DHX34: variants seen among roughly 807,000 people sequenced by gnomAD.
DHX34 encodes probable ATP-dependent RNA helicase DHX34.
A neutral mutation model predicts 111.1 loss-of-function variants in DHX34; 96 were observed. That is an observed-to-expected ratio of 0.86 (90% CI 0.73 to 1.02). DHX34 has a LOEUF of 1.02. Among genes scored for constraint, DHX34 ranks in the 50% least tolerant of loss-of-function variants. The pLI is 0.00. For synonymous variants in DHX34, 688 were observed against 670.4 expected (o/e 1.03, Z -0.41); for missense variants, 1,560 against 1,579.9 (o/e 0.99, Z 0.21).
chr19:47,370,925 C>T lies in DHX34; in HGVS notation c.1769-1805C>T, dbSNP rs533279972. Among the ~76,000 whole-genome samples the T allele has an allele frequency of 3.9e-5, 6 of 152,328 alleles. No homozygotes were observed. In the East Asian group the frequency reaches 5.8e-4, roughly 15 times the overall value. On this transcript the variant is annotated intron_variant, in intron 7 of 16. Transcript: ENST00000328771. ...CTGACCTCAAGTGATCCGCCAGCCT[C>T]GGCATCCCTAAGTGCTGGGATTACA...
In DHX34 at chr19:47,355,382, G is replaced by A. The variant is rs1416230367; in HGVS notation, c.1017+32G>A. ...ACTTCCCCCTCCTCCCACATCCCCA[G>A]ACCTCCAACCTGGTCTCTGTCCAAA... On this transcript the variant is annotated intron_variant, in intron 3 of 16. Coordinates refer to ENST00000328771, the MANE Select transcript of DHX34 (RefSeq NM_014681.6). The A allele has an allele frequency of 1.9e-6, 3 of 1,598,618 alleles. No homozygotes were observed. In the African/African-American group the frequency reaches 4.0e-5, roughly 21 times the overall value.
intron 6 of DHX34, among the ~76,000 whole-genome samples, chr19:47,366,262 T>C (rs1470261021): frequency 1.3e-5 from 2 of 151,944 alleles, no homozygotes; most frequent in Non-Finnish European, 2.9e-5. Flanking sequence ...GATCTTGACA[T>C]TGGGAATTTT....
intron 14 of DHX34, among the ~76,000 whole-genome samples, chr19:47,380,529 G>A (rs1006615989): frequency 1.3e-5 from 2 of 151,756 alleles, no homozygotes; most frequent in African/African-American, 4.8e-5. Flanking sequence ...GAGGAGGGGG[G>A]AGGTGGCCAG....
rs1458214590 is a variant in DHX34 at position 47,373,605 on chromosome 19, T to C, written c.1969T>C (p.Ser657Pro). The C allele has an allele frequency of 3.7e-6, 6 of 1,613,450 alleles. No individual in the cohort carries two copies. The highest frequency in any genetic ancestry group is 2.7e-5 in the African/African-American group (2 of 74,906). The part of the protein sequence containing the change: ...NVFNAWVQVK[S>P]ERSRNSRKWC... Reference sequence around the variant, plus strand: ...CGTCTGCTCCTCCACCCAGGTGAAATCTGAACGGAGCAGAAACTCTCGCAA... The same window carrying C: ...CGTCTGCTCCTCCACCCAGGTGAAACCTGAACGGAGCAGAAACTCTCGCAA... Residue 657 changes from serine (S) to proline (P), a missense_variant, in exon 9 of 17, where the codon TCT becomes CCT. By Grantham distance (74) the Ser-to-Pro change is moderately conservative. Coordinates refer to ENST00000328771, the MANE Select transcript of DHX34 (RefSeq NM_014681.6).
rs754726527 is a variant in DHX34 at position 47,367,059 on chromosome 19, A to G, written c.1672A>G (p.Ile558Val). The change falls in exon 7 of 17, where the codon ATC (isoleucine) becomes GTC (valine). Residue 558 changes from isoleucine (I) to valine (V), a missense_variant. Coordinates refer to ENST00000328771, the MANE Select transcript of DHX34 (RefSeq NM_014681.6). ...ACCACCAGCCAGCCTGGAAACCGCC[A>G]TCCTCTACCTCCGGGACCAGGGGGC... ...PPPPASLETA[I>V]LYLRDQGALD... 12 of 1,609,388 alleles carry G rather than the reference A, an allele frequency of 7.5e-6. No homozygotes were observed. In the Admixed American group the frequency reaches 1.2e-4, roughly 16 times the overall value.
chr19:47,360,040 A>G lies in DHX34; in HGVS notation c.1345A>G (p.Ile449Val), dbSNP rs762923642. ...CAACATTGCTGAGACCTCAGTCACCATTGACGGGATCCGCTTCGTAGTAGA... is the reference window on the plus strand; with the variant it reads ...CAACATTGCTGAGACCTCAGTCACCGTTGACGGGATCCGCTTCGTAGTAGA... ...STNIAETSVTIDGIRFVVDSG... is the reference protein window; with the variant it reads ...STNIAETSVTVDGIRFVVDSG... Residue 449 changes from isoleucine to valine, a missense_variant, in exon 5 of 17, where the codon ATT (isoleucine) becomes GTT (valine). Ile to Val is a conservative substitution (Grantham distance 29). Coordinates refer to ENST00000328771, the MANE Select transcript of DHX34 (RefSeq NM_014681.6). The G allele has an allele frequency of 6.2e-7, 1 of 1,613,770 alleles. No individual in the cohort carries two copies. Among genetic ancestry groups the G allele is most frequent in the Non-Finnish European group, 8.5e-7 (1 of 1,179,954 alleles).
rs763486642 is a variant in DHX34 at position 47,373,689 on chromosome 19, C to A, written c.2053C>A (p.Arg685Ser). 1 of 1,613,560 alleles carries A rather than the reference C, an allele frequency of 6.2e-7. No individual in the cohort carries two copies. The highest frequency in any genetic ancestry group is 8.5e-7 in the Non-Finnish European group (1 of 1,179,830). Residue 685 changes from arginine (R) to serine (S), a missense_variant, in exon 9 of 17, where the codon CGC (arginine) becomes AGC (serine). Arg to Ser is a moderately radical substitution (Grantham distance 110). Coordinates refer to ENST00000328771, the MANE Select transcript of DHX34 (RefSeq NM_014681.6). ...ACTGTACGAAATGGCCAACCTTCGGCGCCAGTTCAAGGTGAGGCTCGGGAG... is the reference window on the plus strand; with the variant it reads ...ACTGTACGAAATGGCCAACCTTCGGAGCCAGTTCAAGGTGAGGCTCGGGAG... ...HRLYEMANLR[R>S]QFKELLEDHG...
chr19:47,366,008 G>C (rs1167528348), intron 6 of DHX34, among the ~76,000 whole-genome samples: 2 of 152,206 alleles, frequency 1.3e-5, no homozygotes, highest in African/African-American at 4.8e-5. Context: ...TCTGCTGTAG[G>C]TGGGCCCATT....
chr19:47,367,434 G>A (rs1350761109), intron 7 of DHX34, among the ~76,000 whole-genome samples: 1 of 152,200 alleles, frequency 6.6e-6, no homozygotes, highest in African/African-American at 2.4e-5. Context: ...GGTGCCTAGT[G>A]TTCTGGAGAG....
chr19:47,355,391 C>G, intron 3 of DHX34, 41 bp downstream of exon 3: 7 of 1,593,024 alleles, frequency 4.4e-6, no homozygotes, highest in Non-Finnish European at 6.0e-6. Flanking sequence ...AGACCTCCAA[C>G]CTGGTCTCTG....
intron 9 of DHX34, among the ~76,000 whole-genome samples, chr19:47,374,436 CAAAAAAAAAAAAA>C (rs35585186): frequency 1.9e-5 from 2 of 103,642 alleles, no homozygotes; most frequent in Non-Finnish European, 4.2e-5. Flanking sequence ...AAACTCCACT[CAAAAAAAAAAAAA>C]AAAAAAGATT....
At chr19:47,370,388 G>T (rs974858293) in intron 7 of DHX34, among the ~76,000 whole-genome samples, 1 of 152,154 alleles carries the variant, frequency 6.6e-6, no homozygotes, top group African/African-American at 2.4e-5. Flanking sequence ...CTCTCTTGCG[G>T]GCTCAAGGAT....
chr19:47,379,063 A>G (rs1269146637), intron 13 of DHX34, among the ~76,000 whole-genome samples: 1 of 151,944 alleles, frequency 6.6e-6, no homozygotes, highest in African/African-American at 2.4e-5. Flanking sequence ...TGGGAGGTGG[A>G]GGTTGCAGTG....
Position 47,353,526 on chromosome 19 carries a change from C to G in DHX34, c.496C>G (p.Gln166Glu), listed in dbSNP as rs761734668. ...QRERAALPIAQYGNRILQTLK... is the reference protein window; with the variant it reads ...QRERAALPIAEYGNRILQTLK... ...TGAGCGGGCAGCCCTCCCCATCGCCCAGTATGGGAACCGCATCCTGCAGAC... is the reference window on the plus strand; with the variant it reads ...TGAGCGGGCAGCCCTCCCCATCGCCGAGTATGGGAACCGCATCCTGCAGAC... Residue 166 changes from glutamine (Q) to glutamate (E), a missense_variant, in exon 2 of 17, where the codon CAG becomes GAG. Physicochemically the swap from Gln to Glu is conservative, Grantham distance 29. Transcript: ENST00000328771. The surrounding 1 kb of genome is among the most constrained non-coding windows in gnomAD (Gnocchi z 4.6). 1 of 1,613,716 alleles carries G rather than the reference C, an allele frequency of 6.2e-7. No individual in the cohort carries two copies. Among genetic ancestry groups the G allele is most frequent in the Non-Finnish European group, 8.5e-7 (1 of 1,179,982 alleles).
chr19:47,375,532 C>G lies in DHX34; in HGVS notation c.2131C>G (p.Arg711Gly), dbSNP rs966321239. 6.4e-7 allele frequency: 1 copy of G among 1,563,614 alleles called. No individual in the cohort carries two copies. Among genetic ancestry groups the G allele is most frequent in the South Asian group, 1.2e-5 (1 of 86,276 alleles). Residue 711 changes from arginine to glycine, a missense_variant, in exon 10 of 17, where the codon CGG (arginine) becomes GGG (glycine). Coordinates refer to ENST00000328771, the MANE Select transcript of DHX34 (RefSeq NM_014681.6). The stretch of plus-strand genomic sequence containing the variant: ...CGCGCAGGTAGGGGACAGCTACAGT[C>G]GGTTGCAGCAGCGCCGGGAGCGCCG... ...QAAQVGDSYS[R>G]LQQRRERRAL... is the part of the protein sequence containing the mutation.
intron 3 of DHX34, among the ~76,000 whole-genome samples, chr19:47,356,103 A>G (rs1266650934): frequency 6.6e-6 from 1 of 152,114 alleles, no homozygotes; most frequent in African/African-American, 2.4e-5. Context: ...ATCTAGCAGC[A>G]TCCCTGGCCC....
rs201567533 is a variant in DHX34, at chr19:47,372,723, G to A, written c.1769-7G>A. 3.8e-5 allele frequency: 60 copies of A among 1,577,950 alleles called. No individual in the cohort carries two copies. Among genetic ancestry groups the A allele is most frequent in the African/African-American group, 3.8e-4 (28 of 73,722 alleles). The stretch of plus-strand genomic sequence containing the variant: ...CAGGAGCCTCAACCCCGTGTCCGCC[G>A]CTGCAGGGAAGATGCTGATCCTGGG... On this transcript the variant is annotated splice_region_variant and splice_polypyrimidine_tract_variant and intron_variant, in intron 7 of 16. Coordinates refer to ENST00000328771, the MANE Select transcript of DHX34 (RefSeq NM_014681.6).
In DHX34 at chr19:47,359,983, C is replaced by A. The variant is rs750416555; in HGVS notation, c.1288C>A (p.Pro430Thr). 14 of 1,613,996 alleles carry A rather than the reference C, an allele frequency of 8.7e-6. No individual in the cohort carries two copies. The highest frequency in any genetic ancestry group is 1.2e-5 in the Non-Finnish European group (14 of 1,179,948). ...ADQDKVFDVAPPGVRKCILST... is the reference protein window; with the variant it reads ...ADQDKVFDVATPGVRKCILST... ...TTCCTCCCAGGTATTTGATGTGGCA[C>A]CCCCTGGAGTCCGGAAATGCATCCT... Residue 430 changes from proline (P) to threonine (T), a missense_variant, in exon 5 of 17, where the codon CCC becomes ACC. Transcript: ENST00000328771.
At chr19:47,370,702 A>T (rs1292980600) in intron 7 of DHX34, among the ~76,000 whole-genome samples, 1 of 151,970 alleles carries the variant, frequency 6.6e-6, no homozygotes, top group Admixed American at 6.6e-5. Context: ...TTAGAGATGG[A>T]GTTTCACTCT....
Sources: gnomAD v4.1 joint callset for allele counts (sites outside exome capture counted in the v4.1 genomes callset) on GRCh38, gnomAD v4.1.1 for gene constraint, Gnocchi (gnomAD v3.1) non-coding constraint, MANE v1.5 for transcripts, NCBI Gene and HGNC (gene_info 2026-07-23, HGNC 2026-07-21) for gene names.